The following PTPRT variants were observed in gnomAD, a reference collection of about 807,000 sequenced individuals.
PTPRT encodes the protein protein tyrosine phosphatase receptor type T, also known as receptor-type tyrosine-protein phosphatase T.
Under a neutral mutation model 176.8 loss-of-function variants are expected in PTPRT, and 56 were observed. That is an observed-to-expected ratio of 0.32 (90% CI 0.26 to 0.40). The LOEUF (loss-of-function observed/expected upper bound fraction) is 0.40, where lower values mean the gene tolerates loss of function less well. Ranked by LOEUF, PTPRT falls within the 10% of genes least tolerant of loss-of-function variation. PTPRT has a pLI of 1.00. For synonymous variants in PTPRT, 783 were observed against 739.0 expected (o/e 1.06, Z -0.96); for missense variants, 1,540 against 1,908.2 (o/e 0.81, Z 3.60).
chr20:42,528,482 T>C (rs1013416827), intron 7 of PTPRT, among the ~76,000 whole-genome samples: 4 of 152,092 alleles, frequency 2.6e-5, no homozygotes, highest in Non-Finnish European at 5.9e-5. Context: ...AATAGTTCAA[T>C]ATTTCATGTT....
chr20:42,133,054 G>A (rs1303450717), intron 18 of PTPRT, among the ~76,000 whole-genome samples: 1 of 152,104 alleles, frequency 6.6e-6, no homozygotes, highest in East Asian at 1.9e-4. Context: ...CTTAATTTGA[G>A]TACACATATA....
At chr20:42,105,908 G>C (rs1986391982) in intron 24 of PTPRT, among the ~76,000 whole-genome samples, 1 of 152,188 alleles carries the variant, frequency 6.6e-6, no homozygotes, top group Non-Finnish European at 1.5e-5. Context: ...CAGGCACCCA[G>C]AGCCTTCACT....
chr20:42,310,219 A>C (rs1445327013), intron 12 of PTPRT, among the ~76,000 whole-genome samples: 1 of 152,080 alleles, frequency 6.6e-6, no homozygotes, highest in East Asian at 1.9e-4. Context: ...GAACAGTGAT[A>C]GGTTCTGGGC....
At chr20:42,161,671 G>T in intron 16 of PTPRT, 129 bp from the exon 17 acceptor site, 2 of 842,876 alleles carry the variant, frequency 2.4e-6, no homozygotes, top group Non-Finnish European at 3.6e-6. Context: ...TAGGGAAACT[G>T]CAAAAGGATT....
chr20:42,792,235 A>T (rs2077387223), intron 2 of PTPRT, among the ~76,000 whole-genome samples: 1 of 152,200 alleles, frequency 6.6e-6, no homozygotes, highest in Non-Finnish European at 1.5e-5. Flanking sequence ...TAGATCAGCC[A>T]ATCTACAATC....
At chr20:42,412,146 A>T (rs1255674773) in intron 9 of PTPRT, among the ~76,000 whole-genome samples, 1 of 152,246 alleles carries the variant, frequency 6.6e-6, no homozygotes, top group Non-Finnish European at 1.5e-5. Flanking sequence ...GGGAGGAAAT[A>T]TATACAAAAC....
chr20:43,021,842 C>A (rs954771897), intron 1 of PTPRT, among the ~76,000 whole-genome samples: 3 of 148,980 alleles, frequency 2.0e-5, no homozygotes, highest in African/African-American at 7.4e-5. Flanking sequence ...GGCATTGAGT[C>A]AAGGGTGTAT....
intron 12 of PTPRT, among the ~76,000 whole-genome samples, chr20:42,315,244 A>G (rs2057702726): frequency 6.8e-6 from 1 of 147,632 alleles, no homozygotes; most frequent in Non-Finnish European, 1.5e-5. Flanking sequence ...TTGGAGAAAC[A>G]CTATTTTCTA....
At chr20:42,683,823 A>C (rs1333160059) in intron 6 of PTPRT, among the ~76,000 whole-genome samples, 2 of 152,164 alleles carry the variant, frequency 1.3e-5, no homozygotes, top group Non-Finnish European at 2.9e-5. Flanking sequence ...GACTCTACTC[A>C]ATCTTCATGG....
intron 7 of PTPRT, among the ~76,000 whole-genome samples, chr20:42,634,383 T>C (rs570506953): frequency 2.0e-5 from 3 of 150,906 alleles, no homozygotes; most frequent in Non-Finnish European, 2.9e-5. Context: ...ATGATAGAGA[T>C]GACAGAGCTA....
intron 1 of PTPRT, among the ~76,000 whole-genome samples, chr20:43,083,371 C>CATATATATATATATATATAT (rs2011519009): frequency 7.2e-5 from 2 of 27,940 alleles, no homozygotes; most frequent in African/African-American, 9.4e-5. Context: ...TATATATATA[C>CATATATATATATATATATAT]ATTTTTTGAG....
chr20:42,818,310 A>T (rs1010430790), intron 2 of PTPRT, among the ~76,000 whole-genome samples: 19 of 152,144 alleles, frequency 1.2e-4, no homozygotes, highest in African/African-American at 4.6e-4. Context: ...AATAAAAATA[A>T]AGAAGCAGAA....
At chr20:42,122,632 TC>T (rs1987645982) in intron 19 of PTPRT, among the ~76,000 whole-genome samples, 1 of 152,170 alleles carries the variant, frequency 6.6e-6, no homozygotes, top group Non-Finnish European at 1.5e-5. Context: ...ACAGCCCTCA[TC>T]CTCCCTGGCT....
chr20:43,040,823 C>T (rs2425552), intron 1 of PTPRT, among the ~76,000 whole-genome samples: 48,262 of 152,172 alleles, frequency 0.32, 10,611 homozygotes, highest in African/African-American at 0.62. Context: ...CCTGTGCCCA[C>T]TCATGATTCC....
chr20:43,011,235 G>A (rs1985104724), intron 1 of PTPRT, among the ~76,000 whole-genome samples: 1 of 152,162 alleles, frequency 6.6e-6, no homozygotes, highest in Non-Finnish European at 1.5e-5. Flanking sequence ...AGAGTCAAGT[G>A]TGGCCACCTA....
At chr20:42,378,829 A>C (rs186596064) in intron 9 of PTPRT, among the ~76,000 whole-genome samples, 2 of 152,354 alleles carry the variant, frequency 1.3e-5, no homozygotes, top group Admixed American at 1.3e-4. Context: ...AGGATTTTGA[A>C]ATGATTAAAT....
chr20:42,349,330 C>T (rs779137212), intron 11 of PTPRT, among the ~76,000 whole-genome samples: 4 of 152,194 alleles, frequency 2.6e-5, no homozygotes, highest in Non-Finnish European at 5.9e-5. Context: ...AGCATGCTGT[C>T]TCTCTCCTCC....
intron 1 of PTPRT, among the ~76,000 whole-genome samples, chr20:42,974,869 C>G (rs1027681598): frequency 1.3e-5 from 2 of 152,162 alleles, no homozygotes; most frequent in Non-Finnish European, 2.9e-5. Context: ...GCATTCGTTC[C>G]AAATCAGAAA....
intron 1 of PTPRT, among the ~76,000 whole-genome samples, chr20:43,153,982 T>C (rs1264173356): frequency 3.3e-5 from 5 of 152,202 alleles, no homozygotes; most frequent in South Asian, 2.1e-4. Context: ...CTGCTGCAAG[T>C]TCCTTGCAGG....
Sources: allele counts gnomAD v4.1 joint callset (sites outside exome capture counted in the v4.1 genomes callset), GRCh38; gene constraint gnomAD v4.1.1; transcripts MANE v1.5; gene names NCBI Gene and HGNC (gene_info 2026-07-23, HGNC 2026-07-21).